RSAD2: variants seen among roughly 807,000 people sequenced by gnomAD.
RSAD2 encodes the protein S-adenosylmethionine-dependent nucleotide dehydratase RSAD2.
RSAD2 carries 38 observed loss-of-function variants against 37.7 expected under a neutral mutation model. The observed-to-expected ratio is 1.01, with a 90% confidence interval of 0.78 to 1.32. The LOEUF is 1.32. Among genes scored for constraint, RSAD2 ranks in the 40% most tolerant of loss-of-function variants. The pLI is 0.00. For missense variants in RSAD2, 428 were observed against 437.5 expected (o/e 0.98, Z 0.19); for synonymous variants, 163 against 157.4 (o/e 1.04, Z -0.27).
At chr2:6,884,786 C>A (rs1663483414) in intron 2 of RSAD2, among the ~76,000 whole-genome samples, 1 of 152,114 alleles carries the variant, frequency 6.6e-6, no homozygotes, top group African/African-American at 2.4e-5. Context: ...AGTGGAGCGC[C>A]AACTAGGAGG....
intron 1 of RSAD2, among the ~76,000 whole-genome samples, chr2:6,881,965 C>G (rs1231163251): frequency 6.6e-6 from 1 of 151,290 alleles, no homozygotes; most frequent in African/African-American, 2.4e-5. Context: ...TAGACCCCAT[C>G]CTCCTAAAAT....
At chr2:6,894,687 C>G (rs1194911188) in intron 5 of RSAD2, among the ~76,000 whole-genome samples, 2 of 152,200 alleles carry the variant, frequency 1.3e-5, no homozygotes, top group Non-Finnish European at 2.9e-5. Flanking sequence ...CCATGCTGGC[C>G]TCTAACACTT....
chr2:6,887,493 T>G (rs1002864997), intron 3 of RSAD2, among the ~76,000 whole-genome samples: 26 of 152,360 alleles, frequency 1.7e-4, no homozygotes, highest in South Asian at 4.1e-4. Flanking sequence ...AAGCCTAAAT[T>G]TATTTTTAAA....
At chr2:6,867,840 A>G (rs1663131615) in intron 1 of RSAD2, among the ~76,000 whole-genome samples, 1 of 152,216 alleles carries the variant, frequency 6.6e-6, no homozygotes, top group Non-Finnish European at 1.5e-5. Flanking sequence ...CCCTACGAAG[A>G]GATGTAAAGT....
At chr2:6,893,825 C>T (rs1204561992) in intron 5 of RSAD2, 122 bp downstream of exon 5, 1 of 677,432 alleles carries the variant, frequency 1.5e-6, no homozygotes, top group African/African-American at 1.8e-5. Flanking sequence ...TAGCACTTCA[C>T]AGTTTGATAG....
intron 4 of RSAD2, among the ~76,000 whole-genome samples, chr2:6,891,720 T>TCC (rs1663635230): frequency 6.6e-6 from 1 of 152,002 alleles, no homozygotes; most frequent in Admixed American, 6.5e-5. Flanking sequence ...TGAGCGGAGA[T>TCC]CGCTCACTGC....
At chr2:6,870,136 C>T (rs1663178122) in intron 1 of RSAD2, among the ~76,000 whole-genome samples, 1 of 152,186 alleles carries the variant, frequency 6.6e-6, no homozygotes, top group South Asian at 2.1e-4. Flanking sequence ...CTGGAAAATA[C>T]CTTTGTTTCA....
At position 6,890,118 on chromosome 2, in the gene RSAD2, T is replaced by G. The variant is rs1008850065; in HGVS notation, c.739-58T>G. The G allele has an allele frequency of 3.8e-6, 6 of 1,571,070 alleles. No individual in the cohort carries two copies. The African/African-American group carries it at 8.1e-5, about 21-fold the overall frequency. On this transcript the variant is annotated intron_variant, in intron 3 of 5. Coordinates refer to ENST00000382040, the MANE Select transcript of RSAD2 (RefSeq NM_080657.5). ...GAAGCTTGAAAAGGGGGAGTGAGGT[T>G]TGGGGGAAAACACGATGGAAAGCTC...
intron 4 of RSAD2, among the ~76,000 whole-genome samples, chr2:6,891,577 C>T (rs1030845562): frequency 6.6e-6 from 1 of 152,116 alleles, no homozygotes; most frequent in African/African-American, 2.4e-5. Flanking sequence ...ACCATCCTGG[C>T]TAACACAGTG....
chr2:6,890,252 G>T lies in RSAD2; in HGVS notation c.815G>T (p.Gly272Val), dbSNP rs1406528891. ...AGAGAAGCAGAAAGATTTGTTATTG[G>T]TGATGAAGAATTTGAAAGATTCTTG... ...ALREAERFVI[G>V]DEEFERFLER... is the part of the protein sequence containing the mutation. The change falls in exon 4 of 6, where the codon GGT becomes GTT. Residue 272 changes from glycine to valine, a missense_variant. Physicochemically the swap from Gly to Val is moderately radical, Grantham distance 109. Coordinates refer to ENST00000382040, the MANE Select transcript of RSAD2 (RefSeq NM_080657.5). 1.9e-6 allele frequency: 3 copies of T among 1,614,192 alleles called. No homozygotes were observed. Among genetic ancestry groups the T allele is most frequent in the South Asian group, 2.2e-5 (2 of 91,086 alleles).
upstream of RSAD2, among the ~76,000 whole-genome samples, chr2:6,875,664 G>T (rs1404854807): frequency 2.6e-5 from 4 of 152,184 alleles, no homozygotes; most frequent in African/African-American, 9.6e-5. Flanking sequence ...AATAATGCTT[G>T]AGTTATCCTC....
At chr2:6,879,101 T>G (rs1432648909) in intron 1 of RSAD2, 2 of 455,906 alleles carry the variant, frequency 4.4e-6, no homozygotes, top group East Asian at 6.9e-5. Flanking sequence ...GTACTTTATA[T>G]AAATGAAATC....
chr2:6,869,781 A>C (rs1663171952), intron 1 of RSAD2, among the ~76,000 whole-genome samples: 3 of 152,256 alleles, frequency 2.0e-5, no homozygotes, highest in Non-Finnish European at 2.9e-5. Context: ...GATGTGAACA[A>C]ATGTGGAACA....
upstream of RSAD2, chr2:6,877,279 T>C (rs528693773): frequency 6.5e-6 from 1 of 152,862 alleles, no homozygotes; most frequent in South Asian, 2.1e-4. Flanking sequence ...GCCTTTTTAC[T>C]GTGATCTGAA....
At chr2:6,875,951 G>A (rs1196486254), upstream of RSAD2, among the ~76,000 whole-genome samples, 2 of 152,042 alleles carry the variant, frequency 1.3e-5, no homozygotes, top group Non-Finnish European at 2.9e-5. Flanking sequence ...TGAACTGTTC[G>A]CAGGATTGCC....
chr2:6,872,835 T>C (rs1281001877), upstream of RSAD2, among the ~76,000 whole-genome samples: 4 of 152,212 alleles, frequency 2.6e-5, no homozygotes, highest in African/African-American at 9.6e-5. Context: ...AAATTTGATC[T>C]CCAGTATTAA....
At chr2:6,883,679 T>A in intron 2 of RSAD2, 147 bp downstream of exon 2, 1 of 886,894 alleles carries the variant, frequency 1.1e-6, no homozygotes, top group South Asian at 1.8e-5. Context: ...TAATTGCTTT[T>A]CAAGCTGTGC....
intron 1 of RSAD2, among the ~76,000 whole-genome samples, chr2:6,868,036 G>A (rs987862743): frequency 6.6e-6 from 1 of 152,166 alleles, no homozygotes; most frequent in Non-Finnish European, 1.5e-5. Flanking sequence ...GCCACCCATC[G>A]TTGCAGGTGG....
At chr2:6,887,437 A>G (rs1415174548) in intron 3 of RSAD2, among the ~76,000 whole-genome samples, 1 of 152,252 alleles carries the variant, frequency 6.6e-6, no homozygotes, top group Non-Finnish European at 1.5e-5. Context: ...AAACATAAAA[A>G]AATATGCTCA....
Sources: allele counts gnomAD v4.1 joint callset (sites outside exome capture counted in the v4.1 genomes callset), GRCh38; gene constraint gnomAD v4.1.1; transcripts MANE v1.5; gene names NCBI Gene and HGNC (gene_info 2026-07-23, HGNC 2026-07-21).